The following PKNOX2 variants were observed in gnomAD, a reference collection of about 807,000 sequenced individuals.
PKNOX2 encodes homeobox protein PKNOX2.
In PKNOX2, 14 loss-of-function variants were observed where a neutral mutation model predicts 53.1. That is an observed-to-expected ratio of 0.26 (90% CI 0.17 to 0.41). PKNOX2 has a LOEUF of 0.41. Ranked by LOEUF, PKNOX2 falls within the 10% of genes least tolerant of loss-of-function variation. The pLI is 1.00. For synonymous variants in PKNOX2, 257 were observed against 242.8 expected, an observed-to-expected ratio of 1.06 and a Z score of -0.54; for missense variants, 496 against 602.8, an observed-to-expected ratio of 0.82 and a Z score of 1.85.
intron 2 of PKNOX2, among the ~76,000 whole-genome samples, chr11:125,285,050 C>A (rs1946810453): frequency 6.6e-6 from 1 of 152,136 alleles, no homozygotes; most frequent in African/African-American, 2.4e-5. Flanking sequence ...AGAAGGGGAT[C>A]CGGGCTTCCC....
At chr11:125,391,663 G>A (rs1263094415) in intron 6 of PKNOX2, among the ~76,000 whole-genome samples, 2 of 152,166 alleles carry the variant, frequency 1.3e-5, no homozygotes, top group African/African-American at 4.8e-5. Context: ...CCCCATTTTT[G>A]TGTACTTTCC....
At chr11:125,189,130 C>T (rs896015510) in intron 1 of PKNOX2, among the ~76,000 whole-genome samples, 2 of 151,598 alleles carry the variant, frequency 1.3e-5, no homozygotes, top group Admixed American at 6.6e-5. Flanking sequence ...TCATCTGCTG[C>T]GCCATGGTCA....
In PKNOX2 at chr11:125,332,230, A is replaced by G. The variant is rs557079164; in HGVS notation, c.-23+305A>G. Among the ~76,000 whole-genome samples the G allele has an allele frequency of 6.6e-5, 10 of 152,234 alleles. 1 individual carries two copies. In the South Asian group the frequency reaches 2.1e-3, roughly 32 times the overall value. ...CTTGCTTAGTATCAAGATGATGATC[A>G]CATTTGTACCGCCCTCTGGAGCAAA... On this transcript the variant is annotated intron_variant, in intron 3 of 12. Transcript: ENST00000298282.
chr11:125,416,809 T>C (rs1488148025), intron 10 of PKNOX2, among the ~76,000 whole-genome samples: 2 of 152,096 alleles, frequency 1.3e-5, no homozygotes, highest in Non-Finnish European at 2.9e-5. Flanking sequence ...TACTGGTTCC[T>C]GTTGTCTTCT....
At chr11:125,411,972 G>T (rs115454948) in intron 10 of PKNOX2, 107 bp downstream of exon 10, 2 of 1,532,212 alleles carry the variant, frequency 1.3e-6, no homozygotes, top group Non-Finnish European at 1.8e-6. Context: ...GACAGAGGGC[G>T]CGGCCTCGGG....
intron 2 of PKNOX2, among the ~76,000 whole-genome samples, chr11:125,289,714 C>T (rs7112426): frequency 6.6e-6 from 1 of 151,922 alleles, no homozygotes; most frequent in Non-Finnish European, 1.5e-5. Flanking sequence ...GCAGGGGTAT[C>T]GTCCAGCCAG....
intron 2 of PKNOX2, among the ~76,000 whole-genome samples, chr11:125,270,072 C>T (rs1363690670): frequency 1.3e-5 from 2 of 152,182 alleles, no homozygotes; most frequent in African/African-American, 4.8e-5. Context: ...ATTCAATGGT[C>T]TTTCTGGCTA....
chr11:125,382,367 A>C (rs1953306660), intron 5 of PKNOX2, among the ~76,000 whole-genome samples: 1 of 152,168 alleles, frequency 6.6e-6, no homozygotes, highest in Admixed American at 6.5e-5. Flanking sequence ...CCCTCCCTCC[A>C]ACTAACCAGT....
At chr11:125,392,776 A>T (rs1392281157) in intron 6 of PKNOX2, among the ~76,000 whole-genome samples, 1 of 152,184 alleles carries the variant, frequency 6.6e-6, no homozygotes, top group Non-Finnish European at 1.5e-5. Flanking sequence ...AGAAAGAAGG[A>T]AAAAAGGAAA....
chr11:125,270,132 C>A (rs1374381548), intron 2 of PKNOX2, among the ~76,000 whole-genome samples: 1 of 152,230 alleles, frequency 6.6e-6, no homozygotes, highest in Non-Finnish European at 1.5e-5. Flanking sequence ...GTTTTAAGAA[C>A]TCTTGGCTAG....
rs1955468251 is a variant in PKNOX2 at position 125,410,895 on chromosome 11, G to A, written c.816+19G>A. On this transcript the variant is annotated intron_variant, in intron 9 of 12. Coordinates refer to ENST00000298282, the MANE Select transcript of PKNOX2 (RefSeq NM_001382323.2). ...CACACAGGTGAGTGTGTGTAGGTGTGTGCACATGTGCATGGTGTGGGCTAG... is the reference window on the plus strand; with the variant it reads ...CACACAGGTGAGTGTGTGTAGGTGTATGCACATGTGCATGGTGTGGGCTAG... The A allele has an allele frequency of 6.3e-7, 1 of 1,598,732 alleles. No individual in the cohort carries two copies. Among genetic ancestry groups the A allele is most frequent in the Non-Finnish European group, 8.6e-7 (1 of 1,166,200 alleles).
intron 1 of PKNOX2, chr11:125,191,138 T>C (rs1956852012): frequency 6.6e-6 from 1 of 152,174 alleles, no homozygotes; most frequent in South Asian, 2.1e-4. Context: ...ATCCTTATAA[T>C]AACATAGCTT....
chr11:125,329,563 C>T (rs1950021182), intron 2 of PKNOX2, among the ~76,000 whole-genome samples: 1 of 152,128 alleles, frequency 6.6e-6, no homozygotes, highest in Non-Finnish European at 1.5e-5. Flanking sequence ...TCTAAGATAA[C>T]CATAGCATGA....
At position 125,228,839 on chromosome 11, in the gene PKNOX2, C is replaced by G. The variant is rs184852012; in HGVS notation, c.-200-6206C>G. Among the ~76,000 whole-genome samples the G allele has an allele frequency of 3.2e-3, 487 of 152,152 alleles. 3 individuals are homozygous for G. The highest frequency in any genetic ancestry group is 4.5e-3 in the Non-Finnish European group (303 of 68,024). ...TACCCTTTTTTGCCAATGCATTCCC[C>G]CATTAGGTTTGTACAATTAACAAAA... On this transcript the variant is annotated intron_variant, in intron 1 of 12. Transcript: ENST00000298282.
intron 1 of PKNOX2, among the ~76,000 whole-genome samples, chr11:125,229,782 G>A (rs1281747640): frequency 4.6e-5 from 7 of 152,096 alleles, no homozygotes; most frequent in Admixed American, 1.3e-4. Flanking sequence ...GGCCAGGGGG[G>A]GCTTGCTTGT....
At chr11:125,419,936 A>G (rs1449852796) in intron 10 of PKNOX2, among the ~76,000 whole-genome samples, 2 of 151,450 alleles carry the variant, frequency 1.3e-5, no homozygotes, top group African/African-American at 4.9e-5. Flanking sequence ...TAATCATGCC[A>G]GCACTTTGGG....
chr11:125,247,122 A>G (rs1320794065), intron 2 of PKNOX2, among the ~76,000 whole-genome samples: 3 of 152,120 alleles, frequency 2.0e-5, no homozygotes, highest in South Asian at 2.1e-4. Context: ...CCAGGCCCCA[A>G]CAGTTTCTGC....
Position 125,351,331 on chromosome 11 carries a change from C to T in PKNOX2, c.26C>T (p.Pro9Leu). 1 of 1,608,714 alleles carries T rather than the reference C, an allele frequency of 6.2e-7. No individual in the cohort carries two copies. Residue 9 changes from proline to leucine, a missense_variant, in exon 4 of 13, where the codon CCC becomes CTC. By Grantham distance (98) the Pro-to-Leu change is moderately conservative. Transcript: ENST00000298282. Reference sequence around the variant, plus strand: ...ATGATGCAACATGCCTCCCCAGCCCCCGCTCTGACGATGATGGCCACGCAG... The same window carrying T: ...ATGATGCAACATGCCTCCCCAGCCCTCGCTCTGACGATGATGGCCACGCAG... MMQHASPA[P>L]ALTMMATQNV...
intron 2 of PKNOX2, among the ~76,000 whole-genome samples, chr11:125,284,430 C>G (rs946479587): frequency 6.6e-6 from 1 of 152,154 alleles, no homozygotes; most frequent in South Asian, 2.1e-4. Flanking sequence ...GATTGTGGTG[C>G]GTGTTAGCGC....
Sources: gnomAD v4.1 joint callset for allele counts (sites outside exome capture counted in the v4.1 genomes callset) on GRCh38, gnomAD v4.1.1 for gene constraint, MANE v1.5 for transcripts, NCBI Gene and HGNC (gene_info 2026-07-23, HGNC 2026-07-21) for gene names.